The following RYR3 variants were observed in gnomAD, a reference collection of about 807,000 sequenced individuals.
The protein encoded by RYR3 is brain ryanodine receptor-calcium release channel.
RYR3 carries 207 observed loss-of-function variants against 584.3 expected under a neutral mutation model. The ratio of observed to expected loss-of-function variants is 0.35; its 90% CI spans 0.32 to 0.40. The LOEUF (loss-of-function observed/expected upper bound fraction) is 0.40. Ranked by LOEUF, RYR3 falls within the 10% of genes least tolerant of loss-of-function variation. RYR3 has a pLI of 1.00. For missense variants in RYR3, 5,616 were observed against 6,089.2 expected (o/e 0.92, Z 2.59); for synonymous variants, 2,416 against 2,248.5 (o/e 1.07, Z -2.11).
intron 74 of RYR3, among the ~76,000 whole-genome samples, chr15:33,816,587 A>G (rs1246160417): frequency 6.6e-6 from 1 of 152,226 alleles, no homozygotes; most frequent in Non-Finnish European, 1.5e-5. Flanking sequence ...GAAATGTGAT[A>G]AAGAGCCTAT....
At chr15:33,640,758 T>C (rs965671694) in intron 27 of RYR3, among the ~76,000 whole-genome samples, 14 of 152,344 alleles carry the variant, frequency 9.2e-5, no homozygotes, top group Admixed American at 7.8e-4. Flanking sequence ...AACTTCTGTA[T>C]ACATCTTGGC....
At chr15:33,458,378 G>C (rs1298870606) in intron 1 of RYR3, among the ~76,000 whole-genome samples, 2 of 152,126 alleles carry the variant, frequency 1.3e-5, no homozygotes, top group African/African-American at 4.8e-5. Flanking sequence ...GGACCTTGTT[G>C]CTCCTGGTTC....
At chr15:33,706,270 T>A (rs1447950503) in intron 42 of RYR3, among the ~76,000 whole-genome samples, 1 of 152,246 alleles carries the variant, frequency 6.6e-6, no homozygotes, top group African/African-American at 2.4e-5. Context: ...TTTTTAACTG[T>A]ATGTGTAGTA....
chr15:33,813,593 C>CT lies in RYR3; in HGVS notation c.10502+20dup, dbSNP rs775478144. On this transcript the variant is annotated intron_variant, in intron 74 of 103. Transcript: ENST00000634891. ...CAACCTGCCCAGGCAAGTATTTTGT[C>CT]TTTTTTCCTGGCATGTAAGCCAGCG... is the stretch of plus-strand genomic sequence containing the variant. 1 of 1,604,652 alleles carries CT rather than the reference C, an allele frequency of 6.2e-7. No homozygotes were observed. Among genetic ancestry groups the CT allele is most frequent in the Non-Finnish European group, 8.5e-7 (1 of 1,171,470 alleles).
intron 38 of RYR3, among the ~76,000 whole-genome samples, chr15:33,688,310 A>G (rs1450075755): frequency 2.0e-5 from 3 of 152,212 alleles, no homozygotes; most frequent in Non-Finnish European, 2.9e-5. Context: ...ACGGTGGCTC[A>G]CACCTGTAAT....
At chr15:33,443,920 A>G (rs2046418443) in intron 1 of RYR3, among the ~76,000 whole-genome samples, 3 of 152,168 alleles carry the variant, frequency 2.0e-5, no homozygotes, top group Admixed American at 6.5e-5. Flanking sequence ...TTGAAAATCT[A>G]TTGCATTCTG....
intron 20 of RYR3, among the ~76,000 whole-genome samples, chr15:33,626,719 A>G (rs1467682406): frequency 6.6e-6 from 1 of 152,148 alleles, no homozygotes; most frequent in Non-Finnish European, 1.5e-5. Context: ...ACTTCACTCC[A>G]GCTATGGCTA....
At chr15:33,419,351 G>C (rs1440194641) in intron 1 of RYR3, among the ~76,000 whole-genome samples, 1 of 152,098 alleles carries the variant, frequency 6.6e-6, no homozygotes, top group Non-Finnish European at 1.5e-5. Flanking sequence ...CCTACTTGCA[G>C]TTGACTTTCG....
Position 33,820,809 on chromosome 15 carries a change from C to CATCAT in RYR3, c.10812_10813insATCAT (p.Glu3605IlefsTer31). ...AAGATGAAGACAAGGAAAAAACATT[C>CATCAT]GAAGTAAGTTCTCATGAAGAATAAA... On this transcript the variant is annotated frameshift_variant, in exon 78 of 104. Transcript: ENST00000634891. LOFTEE classifies it high-confidence loss of function. The CATCAT allele has an allele frequency of 6.3e-7, 1 of 1,582,988 alleles. No homozygotes were observed. Among genetic ancestry groups the CATCAT allele is most frequent in the Non-Finnish European group, 8.6e-7 (1 of 1,165,482 alleles).
chr15:33,449,221 T>C (rs2046910731), intron 1 of RYR3, among the ~76,000 whole-genome samples: 1 of 152,152 alleles, frequency 6.6e-6, no homozygotes, highest in South Asian at 2.1e-4. Flanking sequence ...AGTGCTCCGC[T>C]GGGGGAGGAT....
rs1030302014 is a variant in RYR3, at chr15:33,813,771, T to C, written c.10502+192T>C. On this transcript the variant is annotated intron_variant, in intron 74 of 103. Coordinates refer to ENST00000634891, the MANE Select transcript of RYR3 (RefSeq NM_001036.6). ...GGTAAGCATAAAAACTGAAACCAGA[T>C]GAGATTCTCTAGAGCCCATTCCTGT... The C allele has an allele frequency of 7.5e-6, 4 of 530,106 alleles. No individual in the cohort carries two copies. In the African/African-American group the frequency reaches 7.7e-5, roughly 10 times the overall value. The allele number at this position is 530,106 out of a possible 1,614,324, so 32.8% of individuals were successfully genotyped here.
At chr15:33,559,258 G>T (rs1048379795) in intron 10 of RYR3, among the ~76,000 whole-genome samples, 4 of 152,204 alleles carry the variant, frequency 2.6e-5, no homozygotes, top group Non-Finnish European at 5.9e-5. Context: ...ATGTGTACAG[G>T]TATCCTCCAG....
intron 62 of RYR3, among the ~76,000 whole-genome samples, chr15:33,770,642 C>T (rs1171331774): frequency 2.0e-5 from 3 of 151,932 alleles, no homozygotes; most frequent in African/African-American, 4.8e-5. Flanking sequence ...CCCAGCTACT[C>T]GGGAGGCTGA....
chr15:33,331,062 G>T (rs1970325699), intron 1 of RYR3, among the ~76,000 whole-genome samples: 1 of 152,034 alleles, frequency 6.6e-6, no homozygotes, highest in Non-Finnish European at 1.5e-5. Context: ...TTGGTTGGTT[G>T]GTTTTTGTTG....
intron 64 of RYR3, among the ~76,000 whole-genome samples, chr15:33,773,853 G>A (rs909262426): frequency 6.6e-6 from 1 of 152,220 alleles, no homozygotes; most frequent in African/African-American, 2.4e-5. Context: ...GGCTGGAGAA[G>A]CAATATAGCC....
intron 2 of RYR3, among the ~76,000 whole-genome samples, chr15:33,496,308 G>A (rs2051418543): frequency 6.6e-6 from 1 of 152,186 alleles, no homozygotes; most frequent in African/African-American, 2.4e-5. Flanking sequence ...TAATGCCCCT[G>A]GAGAAGTAGA....
intron 27 of RYR3, among the ~76,000 whole-genome samples, chr15:33,641,328 C>T (rs972001123): frequency 1.7e-4 from 26 of 152,316 alleles, no homozygotes; most frequent in African/African-American, 5.8e-4. Flanking sequence ...TCAGTTTCCT[C>T]ATCTGTAAAA....
chr15:33,618,321 T>C (rs1206877514), intron 19 of RYR3, among the ~76,000 whole-genome samples: 1 of 152,210 alleles, frequency 6.6e-6, no homozygotes, highest in Non-Finnish European at 1.5e-5. Context: ...GTGGTTGCTG[T>C]TTGTTTTCTG....
intron 1 of RYR3, among the ~76,000 whole-genome samples, chr15:33,352,559 G>A (rs972457724): frequency 6.6e-6 from 1 of 152,136 alleles, no homozygotes; most frequent in Non-Finnish European, 1.5e-5. Flanking sequence ...CAAAATCCTA[G>A]GAGACTTGGT....
Sources: gnomAD v4.1 joint callset for allele counts (sites outside exome capture counted in the v4.1 genomes callset) on GRCh38, gnomAD v4.1.1 for gene constraint, MANE v1.5 for transcripts, NCBI Gene and HGNC (gene_info 2026-07-23, HGNC 2026-07-21) for gene names.